The following ACE variants were observed in gnomAD, a reference collection of about 807,000 sequenced individuals.
ACE encodes angiotensin-converting enzyme.
In ACE, 122 loss-of-function variants were observed where a neutral mutation model predicts 162.3. The ratio of observed to expected loss-of-function variants is 0.75; its 90% CI spans 0.65 to 0.87. The LOEUF is 0.87. Among genes scored for constraint, ACE ranks in the 40% least tolerant of loss-of-function variants. ACE has a pLI of 0.00. For missense variants in ACE, 1,799 were observed against 1,735.1 expected (o/e 1.04, Z -0.65); for synonymous variants, 796 against 720.6 (o/e 1.10, Z -1.68).
At chr17:63,486,442 A>T (rs933315306) in intron 13 of ACE, 115 bp from the exon 14 acceptor site, 3 of 1,172,260 alleles carry the variant, frequency 2.6e-6, no homozygotes, top group Non-Finnish European at 3.7e-6. Context: ...GTTGCAACTT[A>T]ATTCCACTGC....
rs1186305763 is a variant in ACE at position 63,478,943 on chromosome 17, G to T, written c.418-64G>T. On this transcript the variant is annotated intron_variant, in intron 2 of 24. Transcript: ENST00000290866. Reference sequence around the variant, plus strand: ...ACTCTGTGGGCTCCTCCTTCTAGCAGCGAGGGGAGGGCAGATGTCCCAGGG... The same window carrying T: ...ACTCTGTGGGCTCCTCCTTCTAGCATCGAGGGGAGGGCAGATGTCCCAGGG... The T allele has an allele frequency of 7.1e-6, 10 of 1,399,480 alleles. No homozygotes were observed. The South Asian group carries it at 9.7e-5, about 14-fold the overall frequency. 86.7% of individuals were successfully genotyped at this position (1,399,480 alleles called of 1,614,324 possible).
chr17:63,483,019 C>T lies in ACE; in HGVS notation c.1343-10C>T. 6.2e-7 allele frequency: 1 copy of T among 1,614,058 alleles called. No homozygotes were observed. Among genetic ancestry groups the T allele is most frequent in the Non-Finnish European group, 8.5e-7 (1 of 1,179,904 alleles). On this transcript the variant is annotated splice_polypyrimidine_tract_variant and intron_variant, in intron 8 of 24. Coordinates refer to ENST00000290866, the MANE Select transcript of ACE (RefSeq NM_000789.4). ...CCTCTTCCCTCTCCTTTCATCTCAT[C>T]TCCCAACAGAAAGTGACATCAATTA...
rs200695691 is a variant in ACE, at chr17:63,497,085, TTGCCC to T, written c.3692-31_3692-27del. 3,664 of 1,562,430 alleles carry T rather than the reference TTGCCC, an allele frequency of 2.3e-3. 55 individuals are homozygous for T. In the African/African-American group the frequency reaches 0.039, roughly 17 times the overall value. Reference sequence around the variant, plus strand: ...CGGAGCCTGGCCCTGCCCCGCACCCTTGCCCTGCCCTGCCCTGCCCTGCCCATGCT... The same window carrying T: ...CGGAGCCTGGCCCTGCCCCGCACCCTTGCCCTGCCCTGCCCTGCCCATGCT... On this transcript the variant is annotated intron_variant, in intron 24 of 24. Transcript: ENST00000290866.
Position 63,483,570 on chromosome 17 carries a change from C to CCCCCCCCCCCCCCAA in ACE, c.1586+14_1586+15insCCCCCCCCCCCAACC. 1 of 803,466 alleles carries CCCCCCCCCCCCCCAA rather than the reference C, an allele frequency of 1.2e-6. No individual in the cohort carries two copies. The highest frequency in any genetic ancestry group is 2.0e-6 in the Non-Finnish European group (1 of 509,414). The allele number at this position is 803,466 out of a possible 1,614,324, so 49.8% of individuals were successfully genotyped here. The stretch of plus-strand genomic sequence containing the variant: ...ACACCATACATCAGGTATTAGCGCC[C>CCCCCCCCCCCCCCAA]CCACCCCACCCACCCCCAGTACTGT... On this transcript the variant is annotated intron_variant, in intron 10 of 24. Transcript: ENST00000290866.
intron 22 of ACE, among the ~76,000 whole-genome samples, chr17:63,495,277 T>A (rs1303188680): frequency 6.6e-6 from 1 of 152,182 alleles, no homozygotes; most frequent in Non-Finnish European, 1.5e-5. Context: ...CAAGGCTGTT[T>A]GTGATCCGGG....
chr17:63,483,449 T>C lies in ACE; in HGVS notation c.1488-11T>C, dbSNP rs537607125. ...TCTAGGCCCTAAGACAATTTAACCA[T>C]CCTTTTCCAGAACCAAGTATCAGGG... On this transcript the variant is annotated splice_polypyrimidine_tract_variant and intron_variant, in intron 9 of 24. Coordinates refer to ENST00000290866, the MANE Select transcript of ACE (RefSeq NM_000789.4). 6 of 1,611,000 alleles carry C rather than the reference T, an allele frequency of 3.7e-6. No homozygotes were observed. The Admixed American group carries it at 1.0e-4, about 27-fold the overall frequency.
At position 63,486,639 on chromosome 17, in the gene ACE, ACAC is replaced by A; in HGVS notation, c.2145_2147del (p.Thr716del). On this transcript the variant is annotated inframe_deletion, in exon 14 of 25. Transcript: ENST00000290866. Reference sequence around the variant, plus strand: ...AAGTTTGATGTGAACCAGTTGCAGAACACCACTATCAAGCGGATCATAAAGAAG... The same window carrying A: ...AAGTTTGATGTGAACCAGTTGCAGAACACTATCAAGCGGATCATAAAGAAG... 6.2e-7 allele frequency: 1 copy of A among 1,614,252 alleles called. No homozygotes were observed. The highest frequency in any genetic ancestry group is 8.5e-7 in the Non-Finnish European group (1 of 1,180,044).
chr17:63,494,092 G>A (rs777484564), intron 21 of ACE, 26 bp downstream of exon 21: 36 of 1,613,048 alleles, frequency 2.2e-5, no homozygotes, highest in African/African-American at 2.7e-5. Flanking sequence ...CACGGGATGC[G>A]GGCTGGGGGA....
At chr17:63,485,066 A>G in intron 12 of ACE, 170 bp from the exon 13 acceptor site, 5 of 1,476,922 alleles carry the variant, frequency 3.4e-6, no homozygotes, top group Non-Finnish European at 4.6e-6. Flanking sequence ...CCAGAGCCCA[A>G]GTGGGACCAT....
rs369081491 is a variant in ACE at position 63,493,413 on chromosome 17, C to G, written c.2913-23C>G. 6.8e-6 allele frequency: 11 copies of G among 1,610,920 alleles called. No homozygotes were observed. In the African/African-American group the frequency reaches 1.5e-4, roughly 22 times the overall value. ...TCTCACTGTCCTCTCCCAACACCCT[C>G]TCCCCCACTCCACTATTCCTAGGAT... is the stretch of plus-strand genomic sequence containing the variant. On this transcript the variant is annotated intron_variant, in intron 19 of 24. Coordinates refer to ENST00000290866, the MANE Select transcript of ACE (RefSeq NM_000789.4).
Position 63,497,430 on chromosome 17 carries a change from G to T in ACE, c.*64G>T. On this transcript the variant is annotated 3_prime_UTR_variant, in exon 25 of 25. Coordinates refer to ENST00000290866, the MANE Select transcript of ACE (RefSeq NM_000789.4). Reference sequence around the variant, plus strand: ...ACCAGAGACTGGGATGGGAACACTGGTGGGCAGCTGAGGACACACCCCACA... The same window carrying T: ...ACCAGAGACTGGGATGGGAACACTGTTGGGCAGCTGAGGACACACCCCACA... The T allele has an allele frequency of 7.0e-7, 1 of 1,432,850 alleles. No individual in the cohort carries two copies. The highest frequency in any genetic ancestry group is 2.0e-5 in the Admixed American group (1 of 50,828). The allele number at this position is 1,432,850 out of a possible 1,614,324, so 88.8% of individuals were successfully genotyped here. A position where few individuals can be genotyped will look rare whatever the true frequency, so the allele number is the denominator to read the frequency against.
At chr17:63,478,460 G>A in intron 2 of ACE, 3 of 329,176 alleles carry the variant, frequency 9.1e-6, no homozygotes, top group Non-Finnish European at 1.7e-5. Context: ...GAGCCCAGGA[G>A]TTCAAGACCA....
chr17:63,477,475 C>A, intron 1 of ACE, 132 bp downstream of exon 1: 1 of 702,596 alleles, frequency 1.4e-6, no homozygotes, highest in Non-Finnish European at 1.8e-6. Context: ...CTCGCCCCGA[C>A]AGTCAGCCGC....
intron 8 of ACE, among the ~76,000 whole-genome samples, 161 bp downstream of exon 8, chr17:63,482,850 C>T (rs1320829119): frequency 5.9e-5 from 9 of 152,262 alleles, no homozygotes; most frequent in Non-Finnish European, 4.4e-5. Flanking sequence ...GTGCACACTG[C>T]GCCCAGCTCA....
Position 63,488,734 on chromosome 17 carries a change from ATCC to A in ACE, c.2396_2398del (p.Leu799del), listed in dbSNP as rs756402944. 3.1e-6 allele frequency: 5 copies of A among 1,613,760 alleles called. No individual in the cohort carries two copies. The East Asian group carries it at 1.1e-4, about 36-fold the overall frequency. The stretch of plus-strand genomic sequence containing the variant: ...CTGGCGAGACAAGGCGGGGAGAGCC[ATCC>A]TCCAGTTTTACCCGAAATACGTGGA... On this transcript the variant is annotated inframe_deletion, in exon 16 of 25. Coordinates refer to ENST00000290866, the MANE Select transcript of ACE (RefSeq NM_000789.4).
chr17:63,477,267 A>G lies in ACE; in HGVS notation c.173A>G (p.Glu58Gly). 1 of 1,492,212 alleles carries G rather than the reference A, an allele frequency of 6.7e-7. No individual in the cohort carries two copies. The highest frequency in any genetic ancestry group is 2.1e-5 in the Admixed American group (1 of 48,308). 92.4% of individuals were successfully genotyped at this position (1,492,212 alleles called of 1,614,324 possible). The stretch of plus-strand genomic sequence containing the variant: ...GCGCAGAGCTACAACTCCAGCGCCG[A>G]ACAGGTGCTGTTCCAGAGCGTGGCC... ...LFAQSYNSSA[E>G]QVLFQSVAAS... is the part of the protein sequence containing the mutation. The change falls in exon 1 of 25, where the codon GAA (glutamate) becomes GGA (glycine). Residue 58 changes from glutamate to glycine, a missense_variant. Coordinates refer to ENST00000290866, the MANE Select transcript of ACE (RefSeq NM_000789.4).
rs369739909 is a variant in ACE, at chr17:63,481,676, C to T, written c.1056C>T (p.Ala352=). ...FWEGSMLEKP[A]DGREVVCHAS... ...AAGGGTCGATGCTGGAGAAGCCGGC[C>T]GACGGGCGGGAAGTGGTGTGCCACG... The change falls in exon 7 of 25, where the codon GCC becomes GCT. Residue 352 remains alanine (A), a synonymous_variant. Transcript: ENST00000290866. 1.5e-5 allele frequency: 25 copies of T among 1,613,906 alleles called. No homozygotes were observed. The highest frequency in any genetic ancestry group is 1.5e-4 in the African/African-American group (11 of 74,974).
Position 63,494,620 on chromosome 17 carries a change from A to G in ACE, c.3380+150A>G. 4 of 712,188 alleles carry G rather than the reference A, an allele frequency of 5.6e-6. No homozygotes were observed. The South Asian group carries it at 6.1e-5, about 11-fold the overall frequency. 44.1% of individuals were successfully genotyped at this position (712,188 alleles called of 1,614,324 possible). A position where few individuals can be genotyped will look rare whatever the true frequency, so the allele number is the denominator to read the frequency against. ...GGTGCAGGTGCCTGGGCCCACTCAC[A>G]CTGCCAAGGCTGATGGGTTTTTTCT... On this transcript the variant is annotated intron_variant, in intron 22 of 24. Transcript: ENST00000290866.
rs1035841402 is a variant in ACE at position 63,484,214 on chromosome 17, C to T, written c.1710-116C>T. On this transcript the variant is annotated intron_variant, in intron 11 of 24. Transcript: ENST00000290866. This position sits in a 1 kb window ranked among gnomAD's most constrained non-coding sequence, Gnocchi z 4.0. ...GATCCCAGGCCCCAGGGTCTTATTG[C>T]CACAGTTTCTGCAGTCCATTGGGGG... 5.1e-5 allele frequency: 68 copies of T among 1,326,566 alleles called. No homozygotes were observed. Among genetic ancestry groups the T allele is most frequent in the Non-Finnish European group, 6.2e-5 (59 of 958,852 alleles). 82.2% of individuals were successfully genotyped at this position (1,326,566 alleles called of 1,614,324 possible).
Sources: allele counts gnomAD v4.1 joint callset (sites outside exome capture counted in the v4.1 genomes callset), GRCh38; gene constraint gnomAD v4.1.1; non-coding constraint Gnocchi (gnomAD v3.1); transcripts MANE v1.5; gene names NCBI Gene and HGNC (gene_info 2026-07-23, HGNC 2026-07-21).